PLCG2: variants seen among roughly 807,000 people sequenced by gnomAD.
The protein encoded by PLCG2 is phospholipase C gamma 2.
A neutral mutation model predicts 175.6 loss-of-function variants in PLCG2; 69 were observed. The ratio of observed to expected loss-of-function variants is 0.39; its 90% CI spans 0.32 to 0.48. The LOEUF is 0.48. Ranked by LOEUF, PLCG2 falls within the 20% of genes least tolerant of loss-of-function variation. The pLI is 0.91. For synonymous variants in PLCG2, 827 were observed against 624.0 expected (o/e 1.33, Z -4.85); for missense variants, 1,798 against 1,650.9 (o/e 1.09, Z -1.54).
intron 1 of PLCG2, among the ~76,000 whole-genome samples, chr16:81,748,260 C>G (rs1040711087): frequency 2.0e-5 from 3 of 152,156 alleles, no homozygotes; most frequent in Non-Finnish European, 4.4e-5. Flanking sequence ...CTTGGTGGCA[C>G]ATGCGTATAA....
chr16:81,866,565 C>T (rs60300034), intron 5 of PLCG2, among the ~76,000 whole-genome samples: 2 of 80,242 alleles, frequency 2.5e-5, no homozygotes, highest in African/African-American at 3.6e-5. Context: ...CATGAGAGGA[C>T]GTGGCCTCTC....
At position 81,935,947 on chromosome 16, in the gene PLCG2, A is replaced by C. The variant is rs372807925; in HGVS notation, c.2843-222A>C. 16 of 985,048 alleles carry C rather than the reference A, an allele frequency of 1.6e-5. No individual in the cohort carries two copies. The East Asian group carries it at 6.8e-4, about 42-fold the overall frequency. The allele number at this position is 985,048 out of a possible 1,614,324, so 61.0% of individuals were successfully genotyped here. A position where few individuals can be genotyped will look rare whatever the true frequency, so the allele number is the denominator to read the frequency against. The stretch of plus-strand genomic sequence containing the variant: ...TAAATTACAGTAATTCTAGCCTAAA[A>C]GGTGGTGGGAAAACTAGGCCCCTTT... On this transcript the variant is annotated intron_variant, in intron 26 of 32. Transcript: ENST00000564138.
In PLCG2 at chr16:81,765,687, C is replaced by T. The variant is rs1005854037; in HGVS notation, c.-48+9721C>T. Among the ~76,000 whole-genome samples, 4 of 57,796 alleles carry T rather than the reference C, an allele frequency of 6.9e-5. No individual in the cohort carries two copies. In the Admixed American group the frequency reaches 8.5e-4, roughly 12 times the overall value. 37.9% of individuals were successfully genotyped at this position (57,796 alleles called of 152,430 possible). ...ACCCTTTTGACCCCGGGGTCTCAGA[C>T]TTTTAGCCACCACATCAGCGAGTTA... On this transcript the variant is annotated intron_variant, in intron 2 of 5. Coordinates refer to the PLCG2 transcript ENST00000565054.
At chr16:81,761,320 A>T (rs1910036773) in intron 2 of PLCG2, among the ~76,000 whole-genome samples, 1 of 152,164 alleles carries the variant, frequency 6.6e-6, no homozygotes, top group South Asian at 2.1e-4. Flanking sequence ...AGCTATGGTC[A>T]AGCCGCTACA....
At chr16:81,833,373 C>T (rs549192635) in intron 2 of PLCG2, among the ~76,000 whole-genome samples, 16 of 151,922 alleles carry the variant, frequency 1.1e-4, no homozygotes, top group South Asian at 2.1e-4. Flanking sequence ...TGGCTCCGGT[C>T]GGTACACGGG....
chr16:81,750,214 C>T (rs933974623), intron 1 of PLCG2, among the ~76,000 whole-genome samples: 3 of 152,086 alleles, frequency 2.0e-5, no homozygotes, highest in Non-Finnish European at 4.4e-5. Flanking sequence ...TCAAGACCAG[C>T]TTGGCCAACA....
At chr16:81,946,029 G>A in intron 30 of PLCG2, 146 bp from the exon 31 acceptor site, 1 of 672,642 alleles carries the variant, frequency 1.5e-6, no homozygotes, top group Non-Finnish European at 2.7e-6. Flanking sequence ...TAGGACCTCT[G>A]GCTTCCACAA....
intron 2 of PLCG2, among the ~76,000 whole-genome samples, chr16:81,769,641 C>T (rs1368305330): frequency 6.6e-6 from 1 of 151,782 alleles, no homozygotes; most frequent in Non-Finnish European, 1.5e-5. Context: ...AACGGTGAAA[C>T]CCCGTCTCTA....
chr16:81,931,237 C>T (rs144267198), intron 24 of PLCG2: 12 of 302,342 alleles, frequency 4.0e-5, no homozygotes, highest in South Asian at 2.2e-4. Context: ...ACATCTGCAA[C>T]GACCCTATAA....
intron 10 of PLCG2, among the ~76,000 whole-genome samples, chr16:81,890,449 C>T (rs4889425): frequency 0.19 from 28,797 of 152,180 alleles, 2,848 homozygotes; most frequent in African/African-American, 0.23. Flanking sequence ...TCATAATTTT[C>T]TTGTTGTTCT....
At chr16:81,893,629 A>C in intron 11 of PLCG2, 80 bp from the exon 12 acceptor site, 2 of 835,274 alleles carry the variant, frequency 2.4e-6, no homozygotes, top group Non-Finnish European at 4.1e-6. Flanking sequence ...AAGTTCCCCC[A>C]CAACACCCTG....
intron 2 of PLCG2, among the ~76,000 whole-genome samples, chr16:81,847,259 C>G (rs574652529): frequency 6.6e-6 from 1 of 152,324 alleles, no homozygotes; most frequent in East Asian, 1.9e-4. Flanking sequence ...TTCCCATGTT[C>G]TCTCTGGGCA....
At chr16:81,870,990 C>G (rs978571924) in intron 7 of PLCG2, 55 bp downstream of exon 7, 9 of 971,806 alleles carry the variant, frequency 9.3e-6, no homozygotes, top group Non-Finnish European at 1.4e-5. Flanking sequence ...CCATGTATTT[C>G]CAAGTCTGGC....
At chr16:81,788,150 C>G (rs1388720204) in intron 2 of PLCG2, among the ~76,000 whole-genome samples, 2 of 152,142 alleles carry the variant, frequency 1.3e-5, no homozygotes, top group Non-Finnish European at 1.5e-5. Flanking sequence ...AGACTGTTTT[C>G]TAAAGTGGCT....
intron 1 of PLCG2, among the ~76,000 whole-genome samples, chr16:81,752,009 AAG>A (rs2143067478): frequency 6.6e-6 from 1 of 152,150 alleles, no homozygotes; most frequent in South Asian, 2.1e-4. Context: ...CCAACAAAGC[AAG>A]AGTCTATCTC....
intron 2 of PLCG2, among the ~76,000 whole-genome samples, chr16:81,812,914 C>G (rs1205973909): frequency 6.6e-6 from 1 of 152,114 alleles, no homozygotes; most frequent in Non-Finnish European, 1.5e-5. Context: ...TTTCCCAACA[C>G]CATTTATTAA....
At chr16:81,903,253 C>T (rs564766206) in intron 14 of PLCG2, among the ~76,000 whole-genome samples, 1 of 152,262 alleles carries the variant, frequency 6.6e-6, no homozygotes, top group East Asian at 1.9e-4. Flanking sequence ...CCTATATTAT[C>T]ACTGGGCCAC....
intron 2 of PLCG2, among the ~76,000 whole-genome samples, chr16:81,810,327 C>T (rs1198627680): frequency 2.0e-5 from 3 of 152,270 alleles, no homozygotes; most frequent in East Asian, 1.9e-4. Context: ...CTATAGAACA[C>T]GTAACGTGGC....
At chr16:81,820,681 C>A (rs541588613) in intron 2 of PLCG2, among the ~76,000 whole-genome samples, 1 of 152,056 alleles carries the variant, frequency 6.6e-6, no homozygotes, top group Non-Finnish European at 1.5e-5. Flanking sequence ...AGTGCAGTGG[C>A]GCAATCTTGG....
Sources: gnomAD v4.1 joint callset for allele counts (sites outside exome capture counted in the v4.1 genomes callset) on GRCh38, gnomAD v4.1.1 for gene constraint, MANE v1.5 for transcripts, NCBI Gene and HGNC (gene_info 2026-07-23, HGNC 2026-07-21) for gene names.